The following NUP62CL variants were observed in gnomAD, a reference collection of about 807,000 sequenced individuals.
NUP62CL encodes the protein nucleoporin 62 C-terminal like.
NUP62CL carries 13 observed loss-of-function variants against 15.3 expected under a neutral mutation model. The observed-to-expected ratio is 0.85, with a 90% CI of 0.55 to 1.35. The LOEUF is 1.35. Among genes scored for constraint, NUP62CL ranks in the 40% most tolerant of loss-of-function variants. NUP62CL has a pLI of 0.00. For synonymous variants in NUP62CL, 54 were observed against 49.2 expected, an observed-to-expected ratio of 1.10 and a Z score of -0.41; for missense variants, 123 against 130.6, an observed-to-expected ratio of 0.94 and a Z score of 0.28.
chrX:107,189,828 G>GGGAAGGAA (rs147140354), intron 2 of NUP62CL, among the ~76,000 whole-genome samples: 1,631 of 53,704 alleles, frequency 0.03, 91 homozygotes, highest in African/African-American at 0.046. Flanking sequence ...GAAAGAAGGA[G>GGGAAGGAA]GGAAGGAAGG....
chrX:107,187,843 A>G (rs1927106698), intron 2 of NUP62CL, among the ~76,000 whole-genome samples: 2 of 112,744 alleles, frequency 1.8e-5, no homozygotes, highest in African/African-American at 6.4e-5. Flanking sequence ...TACTATGCCC[A>G]TGAATTTAAT....
chrX:107,197,717 C>T (rs1333291986), intron 1 of NUP62CL, among the ~76,000 whole-genome samples: 2 of 109,683 alleles, frequency 1.8e-5, no homozygotes, highest in African/African-American at 3.3e-5. Context: ...ATGTTCCCTA[C>T]CTGGCAGTCC....
At chrX:107,169,098 C>CA (rs779314419) in intron 3 of NUP62CL, among the ~76,000 whole-genome samples, 62 of 111,666 alleles carry the variant, frequency 5.6e-4, no homozygotes, top group South Asian at 2.3e-3. Context: ...ATTTCATTTT[C>CA]AAAAATTTAG....
intron 3 of NUP62CL, among the ~76,000 whole-genome samples, chrX:107,168,826 G>A (rs1375050918): frequency 8.9e-6 from 1 of 112,388 alleles, no homozygotes; most frequent in Admixed American, 9.4e-5. Context: ...TGGCCACACT[G>A]GATAAATGCA....
At chrX:107,204,795 T>TATTTAAATAAATTTTAAATAAATA in intron 1 of NUP62CL, among the ~76,000 whole-genome samples, 1 of 89,842 alleles carries the variant, frequency 1.1e-5, no homozygotes, top group South Asian at 4.6e-4. Context: ...TTAAATAAAT[T>TATTTAAATAAATTTTAAATAAATA]ATTTAAATAA....
At chrX:107,166,410 C>T (rs1177503280) in intron 4 of NUP62CL, among the ~76,000 whole-genome samples, 1 of 111,873 alleles carries the variant, frequency 8.9e-6, no homozygotes, top group Non-Finnish European at 1.9e-5. Context: ...AGTGACAACA[C>T]CAAATCCTGG....
chrX:107,203,506 A>G (rs1490282940), intron 1 of NUP62CL, among the ~76,000 whole-genome samples: 2 of 110,834 alleles, frequency 1.8e-5, no homozygotes, highest in African/African-American at 6.6e-5. Context: ...TCAGCCTCCC[A>G]AAGTGCTGGG....
At position 107,153,551 on chromosome X, in the gene NUP62CL, T is replaced by C. The variant is rs1411468906; in HGVS notation, c.346-48A>G. The C allele has an allele frequency of 3.5e-5, 28 of 807,290 alleles. No homozygotes were observed. The East Asian group carries it at 9.3e-4, about 27-fold the overall frequency. 66.5% of individuals were successfully genotyped at this position (807,290 alleles called of 1,213,427 possible). On this transcript the variant is annotated intron_variant, in intron 5 of 8. Transcript: ENST00000372466. ...AACAATATAAGTATTTGAATTTATA[T>C]AACAATTTTAGAGCAATATTAATTT...
intron 3 of NUP62CL, among the ~76,000 whole-genome samples, chrX:107,168,903 C>A (rs1252743904): frequency 1.8e-5 from 2 of 111,819 alleles, no homozygotes; most frequent in Non-Finnish European, 3.8e-5. Flanking sequence ...AACATTCCTG[C>A]TGAGGGAACA....
chrX:107,165,326 AAATT>A (rs1253704897), intron 4 of NUP62CL, among the ~76,000 whole-genome samples: 1 of 109,732 alleles, frequency 9.1e-6, no homozygotes, highest in Non-Finnish European at 1.9e-5. Flanking sequence ...TAATAATAAT[AAATT>A]AATTAATAAA....
At chrX:107,135,225 T>C (rs147396703) in intron 8 of NUP62CL, among the ~76,000 whole-genome samples, 1,499 of 112,089 alleles carry the variant, frequency 0.013, 9 homozygotes, top group Non-Finnish European at 0.019. Flanking sequence ...CAGATACATG[T>C]GGTCATATGA....
intron 2 of NUP62CL, among the ~76,000 whole-genome samples, chrX:107,181,232 C>T (rs1602659819): frequency 9.1e-6 from 1 of 110,469 alleles, no homozygotes; most frequent in East Asian, 2.8e-4. Context: ...TACTTTCTAC[C>T]TTAAGTAACC....
chrX:107,125,301 G>T (rs762646317), intron 8 of NUP62CL, among the ~76,000 whole-genome samples: 3 of 111,289 alleles, frequency 2.7e-5, no homozygotes, highest in Admixed American at 1.9e-4. Flanking sequence ...TGCAAAATAC[G>T]TGTTAATTGA....
intron 3 of NUP62CL, among the ~76,000 whole-genome samples, chrX:107,173,795 T>C (rs1926704118): frequency 9.0e-6 from 1 of 110,988 alleles, no homozygotes; most frequent in African/African-American, 3.3e-5. Context: ...TTGAGCACTA[T>C]TCATGCTCAA....
At chrX:107,163,181 C>T (rs1033599094) in intron 4 of NUP62CL, among the ~76,000 whole-genome samples, 4 of 111,531 alleles carry the variant, frequency 3.6e-5, no homozygotes, top group African/African-American at 1.3e-4. Flanking sequence ...ATGTGATATT[C>T]AATGTACACA....
intron 2 of NUP62CL, among the ~76,000 whole-genome samples, chrX:107,183,098 C>T (rs939106862): frequency 8.1e-5 from 9 of 111,599 alleles, no homozygotes; most frequent in East Asian, 2.8e-4. Flanking sequence ...GAGGCCGAGA[C>T]GGGACAATCA....
At chrX:107,202,946 C>T (rs746180865) in intron 1 of NUP62CL, among the ~76,000 whole-genome samples, 1 of 102,098 alleles carries the variant, frequency 9.8e-6, no homozygotes, top group African/African-American at 3.6e-5. Flanking sequence ...CCACTGCACT[C>T]CAGCTGGGCC....
At chrX:107,131,804 A>G (rs1443948729) in intron 8 of NUP62CL, 2 of 1,136,034 alleles carry the variant, frequency 1.8e-6, no homozygotes, top group African/African-American at 3.6e-5. Context: ...CTGCAAGTGG[A>G]CAGCTGTGTC....
intron 8 of NUP62CL, chrX:107,131,740 C>T (rs1360135416): frequency 8.0e-6 from 7 of 878,651 alleles, no homozygotes; most frequent in East Asian, 6.2e-5. Flanking sequence ...CAGACTTTCT[C>T]TCAAATGTGA....
Sources: gnomAD v4.1 joint callset for allele counts (sites outside exome capture counted in the v4.1 genomes callset) on GRCh38, gnomAD v4.1.1 for gene constraint, MANE v1.5 for transcripts, NCBI Gene and HGNC (gene_info 2026-07-23, HGNC 2026-07-21) for gene names.